SNX25: variants seen among roughly 807,000 people sequenced by gnomAD.
SNX25 encodes the protein sorting nexin 25, also known as sorting nexin-25.
A neutral mutation model predicts 113.7 loss-of-function variants in SNX25; 62 were observed. That is an observed-to-expected ratio of 0.55 (90% confidence interval 0.44 to 0.67). The LOEUF is 0.67. SNX25 is among the 30% of genes least tolerant of loss of function. The probability of loss-of-function intolerance (pLI) is 0.00; values close to 1 mark genes in which losing one functional copy is unlikely to be tolerated. For missense variants in SNX25, 1,014 were observed against 1,161.0 expected, an observed-to-expected ratio of 0.87 and a Z score of 1.84; for synonymous variants, 421 against 436.2, an observed-to-expected ratio of 0.97 and a Z score of 0.43.
chr4:185,247,427 T>C (rs778225206), intron 2 of SNX25, 49 bp downstream of exon 2: 3 of 1,286,018 alleles, frequency 2.3e-6, no homozygotes, highest in Admixed American at 3.7e-5. Context: ...CAATTCATTA[T>C]GTTCTAAGAG....
At chr4:185,362,423 TA>T (rs1561058994) in intron 17 of SNX25, 187 bp from the exon 18 acceptor site, 2 of 894,136 alleles carry the variant, frequency 2.2e-6, no homozygotes, top group Non-Finnish European at 2.7e-6. Flanking sequence ...ATTAAAATTG[TA>T]ATTTGTATAA....
chr4:185,300,457 C>A (rs898007763), intron 6 of SNX25, among the ~76,000 whole-genome samples: 2 of 151,570 alleles, frequency 1.3e-5, no homozygotes, highest in Non-Finnish European at 2.9e-5. Context: ...TGTGAGCCAC[C>A]GCGCCTGGCC....
At chr4:185,333,379 C>T (rs976804678) in intron 10 of SNX25, among the ~76,000 whole-genome samples, 16 of 152,274 alleles carry the variant, frequency 1.1e-4, no homozygotes, top group Admixed American at 2.6e-4. Flanking sequence ...GGATTTCAAG[C>T]GGTCAACATG....
chr4:185,212,491 G>GTGTGTTTTTGTTT (rs546083196), intron 1 of SNX25, among the ~76,000 whole-genome samples: 1,159 of 104,808 alleles, frequency 0.011, 40 homozygotes, highest in African/African-American at 0.035. Context: ...GTGTGTGTGT[G>GTGTGTTTTTGTTT]TTTTTTTTTT....
At chr4:185,208,275 G>A (rs1174556206), upstream of SNX25, among the ~76,000 whole-genome samples, 1 of 151,816 alleles carries the variant, frequency 6.6e-6, no homozygotes, top group Non-Finnish European at 1.5e-5. Flanking sequence ...CTCAGCCTCC[G>A]AAAGTGTAGG....
rs530495584 is a variant in SNX25, at chr4:185,224,854, A to C, written c.429+14599A>C. ...TTTGAGTGTTTTCTTGCTATGTGGT[A>C]TAACAAAATGTTTCAGGCTCATTTT... On this transcript the variant is annotated intron_variant, in intron 1 of 18. Transcript: ENST00000652585. Among the ~76,000 whole-genome samples, 426 of 151,690 alleles carry C rather than the reference A, an allele frequency of 2.8e-3. 6 individuals carry two copies. Among genetic ancestry groups the C allele is most frequent in the African/African-American group, 9.8e-3 (407 of 41,462 alleles).
chr4:185,323,731 G>A lies in SNX25; in HGVS notation c.1680G>A (p.Leu560=). The change falls in exon 9 of 19, where the codon CTG becomes CTA. Residue 560 remains leucine, a synonymous_variant. Transcript: ENST00000652585. The part of the protein sequence containing the change: ...RYYPSFIVSD[L]YEKLLIKEEE... ...ACCCTTCATTTATTGTCAGTGACCT[G>A]TATGAGAAATTGTTGATAAAAGAGG... 6.2e-7 allele frequency: 1 copy of A among 1,613,724 alleles called. No individual in the cohort carries two copies. Among genetic ancestry groups the A allele is most frequent in the East Asian group, 2.2e-5 (1 of 44,796 alleles).
the SNX25 span, chr4:185,377,531 A>C: frequency 6.0e-6 from 1 of 167,996 alleles, no homozygotes; most frequent in Non-Finnish European, 1.3e-5. Flanking sequence ...AACAACAACA[A>C]CAACAACAAA....
rs1184134313 is a variant in SNX25, at chr4:185,361,994, G to T, written c.2722G>T (p.Asp908Tyr). ...MLVYYINIFR[D>Y]AFWPNGKLAP... ...GGTTTACTACATCAATATTTTCCGG[G>T]ATGCTTTTTGGCCAAATGGGAAGTT... The change falls in exon 17 of 19, where the codon GAT becomes TAT. Residue 908 changes from aspartate (D) to tyrosine (Y), a missense_variant. Asp to Tyr is a radical substitution (Grantham distance 160). Transcript: ENST00000652585. 6.2e-7 allele frequency: 1 copy of T among 1,614,062 alleles called. No homozygotes were observed. Among genetic ancestry groups the T allele is most frequent in the Admixed American group, 1.7e-5 (1 of 60,018 alleles).
chr4:185,337,479 G>A (rs2095237535), intron 10 of SNX25, among the ~76,000 whole-genome samples: 1 of 150,870 alleles, frequency 6.6e-6, no homozygotes, highest in Admixed American at 6.6e-5. Flanking sequence ...ATTTTGTTTT[G>A]CTAACTATTT....
chr4:185,373,601 T>C (rs922461817), downstream of SNX25, among the ~76,000 whole-genome samples: 20 of 152,232 alleles, frequency 1.3e-4, no homozygotes, highest in African/African-American at 4.8e-4. Flanking sequence ...GATGGCTGCT[T>C]ATCTATCCAA....
intron 1 of SNX25, among the ~76,000 whole-genome samples, chr4:185,235,982 C>G (rs1742564884): frequency 6.6e-6 from 1 of 152,226 alleles, no homozygotes; most frequent in South Asian, 2.1e-4. Context: ...TGACAGAGGC[C>G]TGGAGTCAAC....
At chr4:185,375,508 A>ATATATATATATATATATG in the SNX25 span, 1 of 87,850 alleles carries the variant, frequency 1.1e-5, no homozygotes, top group Non-Finnish European at 2.0e-5. Flanking sequence ...ATATATATAT[A>ATATATATATATATATATG]TATATATGTA....
intron 1 of SNX25, among the ~76,000 whole-genome samples, chr4:185,216,248 T>A (rs1332509438): frequency 6.6e-6 from 1 of 152,086 alleles, no homozygotes; most frequent in East Asian, 1.9e-4. Flanking sequence ...ATATTTGACA[T>A]ACATATAGGC....
intron 9 of SNX25, among the ~76,000 whole-genome samples, chr4:185,328,885 G>A (rs1031712336): frequency 1.3e-5 from 2 of 152,130 alleles, no homozygotes; most frequent in Non-Finnish European, 2.9e-5. Flanking sequence ...AGGCTTGGGG[G>A]CAGGAGGGGC....
rs556859513 is a variant in SNX25 at position 185,284,158 on chromosome 4, G to C, written c.1092-3854G>C. On this transcript the variant is annotated intron_variant, in intron 5 of 18. Transcript: ENST00000652585. ...TTTAAGAGACTCTTGATCTAGTTGG[G>C]GTGAAAAAAGTAGCATATCTTTATT... Among the ~76,000 whole-genome samples, 3 of 152,094 alleles carry C rather than the reference G, an allele frequency of 2.0e-5. No homozygotes were observed. In the East Asian group the frequency reaches 5.8e-4, roughly 29 times the overall value.
rs191494240 is a variant in SNX25 at position 185,345,140 on chromosome 4, T to C, written c.2188-1397T>C. On this transcript the variant is annotated intron_variant, in intron 12 of 18. Transcript: ENST00000652585. ...ATGGAAGCATTAAAAGAAACAAACATGAAAGTCCATGCCCGTCCTCTTTGT... is the reference window on the plus strand; with the variant it reads ...ATGGAAGCATTAAAAGAAACAAACACGAAAGTCCATGCCCGTCCTCTTTGT... 4.8e-3 allele frequency among the ~76,000 whole-genome samples: 737 copies of C among 152,284 alleles called. 9 individuals are homozygous for C. Among genetic ancestry groups the C allele is most frequent in the African/African-American group, 0.017 (706 of 41,562 alleles).
At chr4:185,333,927 A>G (rs2095213153) in intron 10 of SNX25, among the ~76,000 whole-genome samples, 1 of 151,468 alleles carries the variant, frequency 6.6e-6, no homozygotes, top group Non-Finnish European at 1.5e-5. Context: ...GGATGCTGGT[A>G]GTCCCCAGCT....
chr4:185,369,343 G>A (rs1394856637), intron 11 of SNX25, among the ~76,000 whole-genome samples: 2 of 150,292 alleles, frequency 1.3e-5, no homozygotes, highest in East Asian at 2.0e-4. Flanking sequence ...TCAGCCTCGC[G>A]AGTAGCTGGG....
Sources: gnomAD v4.1 joint callset for allele counts (sites outside exome capture counted in the v4.1 genomes callset) on GRCh38, gnomAD v4.1.1 for gene constraint, MANE v1.5 for transcripts, NCBI Gene and HGNC (gene_info 2026-07-23, HGNC 2026-07-21) for gene names.